KCNIP4: variants seen among roughly 807,000 people sequenced by gnomAD.
KCNIP4 encodes the protein Kv channel-interacting protein 4.
In KCNIP4, 12 loss-of-function variants were observed where a neutral mutation model predicts 34.0. That is an observed-to-expected ratio of 0.35 (90% CI 0.23 to 0.57). The LOEUF (loss-of-function observed/expected upper bound fraction) is 0.57. Among genes scored for constraint, KCNIP4 ranks in the 20% least tolerant of loss-of-function variants. KCNIP4 has a pLI of 0.83. For synonymous variants in KCNIP4, 124 were observed against 102.2 expected (o/e 1.21, Z -1.29); for missense variants, 238 against 311.7 (o/e 0.76, Z 1.78).
chr4:20,927,026 G>A (rs1225827580), intron 1 of KCNIP4, among the ~76,000 whole-genome samples: 1 of 152,030 alleles, frequency 6.6e-6, no homozygotes, highest in Non-Finnish European at 1.5e-5. Flanking sequence ...TATCGCCCAG[G>A]CTGGAGTGCA....
At chr4:21,501,132 A>G (rs1254687436) in intron 1 of KCNIP4, among the ~76,000 whole-genome samples, 1 of 152,044 alleles carries the variant, frequency 6.6e-6, no homozygotes, top group Non-Finnish European at 1.5e-5. Flanking sequence ...TGCCTCCCCA[A>G]GATGTTAGAG....
chr4:20,932,701 T>C (rs1378742762), intron 1 of KCNIP4, among the ~76,000 whole-genome samples: 1 of 152,164 alleles, frequency 6.6e-6, no homozygotes, highest in Admixed American at 6.6e-5. Context: ...TTTTAAAAAG[T>C]GTACTTGTCA....
intron 1 of KCNIP4, among the ~76,000 whole-genome samples, chr4:21,019,830 G>A (rs2149745980): frequency 6.6e-6 from 1 of 152,168 alleles, no homozygotes; most frequent in South Asian, 2.1e-4. Flanking sequence ...GCTATATAAA[G>A]TAGCATTATA....
chr4:21,592,098 A>C (rs1182458207), intron 1 of KCNIP4, among the ~76,000 whole-genome samples: 2 of 152,118 alleles, frequency 1.3e-5, no homozygotes, highest in Non-Finnish European at 2.9e-5. Context: ...GGATGACAAA[A>C]TCAGGGATCT....
chr4:20,835,170 T>C (rs1271267216), intron 3 of KCNIP4, among the ~76,000 whole-genome samples: 1 of 152,224 alleles, frequency 6.6e-6, no homozygotes, highest in Non-Finnish European at 1.5e-5. Context: ...CTATTGTCTT[T>C]GGGTTTATGT....
At chr4:21,532,081 T>C (rs914846536) in intron 1 of KCNIP4, among the ~76,000 whole-genome samples, 5 of 152,140 alleles carry the variant, frequency 3.3e-5, no homozygotes, top group African/African-American at 4.8e-5. Flanking sequence ...TTCTGATGTG[T>C]CAGTATACTT....
chr4:21,178,496 TATA>T lies in KCNIP4; in HGVS notation c.62-295790_62-295788del. Among the ~76,000 whole-genome samples, 353 of 150,718 alleles carry T rather than the reference TATA, an allele frequency of 2.3e-3. 3 individuals carry two copies. Among genetic ancestry groups the T allele is most frequent in the African/African-American group, 8.3e-3 (333 of 40,096 alleles). On this transcript the variant is annotated intron_variant, in intron 1 of 8. Transcript: ENST00000382152. ...TCACAGACCTCAGTTTATTTCCAGGTATAGTAACCATGTGTCCAGGATAGTTAT... is the reference window on the plus strand; with the variant it reads ...TCACAGACCTCAGTTTATTTCCAGGTGTAACCATGTGTCCAGGATAGTTAT...
intron 1 of KCNIP4, among the ~76,000 whole-genome samples, chr4:21,789,414 C>A (rs542281316): frequency 6.6e-6 from 1 of 152,124 alleles, no homozygotes; most frequent in Non-Finnish European, 1.5e-5. Flanking sequence ...CTTTAGTCTG[C>A]AAAACCACCA....
intron 1 of KCNIP4, chr4:21,843,245 C>A (rs551914812): frequency 6.6e-6 from 1 of 151,990 alleles, no homozygotes; most frequent in Non-Finnish European, 1.5e-5. Context: ...TTCTCGAACA[C>A]CTTTTATATT....
chr4:20,920,186 A>G (rs1374111119), intron 1 of KCNIP4, among the ~76,000 whole-genome samples: 3 of 152,190 alleles, frequency 2.0e-5, no homozygotes, highest in Admixed American at 2.0e-4. Context: ...AAATCTATTT[A>G]AATTTTCTAT....
chr4:21,807,724 C>T (rs1721388943), intron 1 of KCNIP4, among the ~76,000 whole-genome samples: 1 of 152,116 alleles, frequency 6.6e-6, no homozygotes. Flanking sequence ...ACTCAGCAGT[C>T]CACTTAATGG....
At chr4:21,087,379 T>A (rs10028561) in intron 1 of KCNIP4, among the ~76,000 whole-genome samples, 51,886 of 151,862 alleles carry the variant, frequency 0.34, 10,524 homozygotes, top group African/African-American at 0.58. Flanking sequence ...GGTTTCACCG[T>A]GTTAGCCAGG....
intron 1 of KCNIP4, among the ~76,000 whole-genome samples, chr4:21,941,534 T>C (rs1163854147): frequency 6.6e-6 from 1 of 152,060 alleles, no homozygotes; most frequent in African/African-American, 2.4e-5. Flanking sequence ...TAAAGACTTT[T>C]CATGAGCAGA....
At chr4:21,629,492 C>T (rs1745562886) in intron 1 of KCNIP4, among the ~76,000 whole-genome samples, 1 of 152,082 alleles carries the variant, frequency 6.6e-6, no homozygotes, top group Non-Finnish European at 1.5e-5. Context: ...CTGTTAGAGT[C>T]CAATTCACTG....
chr4:21,062,546 G>A (rs1441375279), intron 1 of KCNIP4, among the ~76,000 whole-genome samples: 1 of 151,952 alleles, frequency 6.6e-6, no homozygotes, highest in South Asian at 2.1e-4. Flanking sequence ...GTGTGTGTGT[G>A]TGTGTGTGTC....
intron 1 of KCNIP4, among the ~76,000 whole-genome samples, chr4:21,106,661 G>C (rs1156905576): frequency 6.6e-6 from 1 of 151,364 alleles, no homozygotes; most frequent in Non-Finnish European, 1.5e-5. Flanking sequence ...GTTTGCTCTT[G>C]CTTTTCTAGT....
At chr4:21,893,536 A>G (rs548030511) in intron 1 of KCNIP4, among the ~76,000 whole-genome samples, 18 of 152,268 alleles carry the variant, frequency 1.2e-4, no homozygotes, top group African/African-American at 3.4e-4. Flanking sequence ...ATGATATTCA[A>G]ATTGCATCAT....
At chr4:21,468,500 G>C (rs921470894) in intron 1 of KCNIP4, among the ~76,000 whole-genome samples, 1 of 152,150 alleles carries the variant, frequency 6.6e-6, no homozygotes, top group Non-Finnish European at 1.5e-5. Flanking sequence ...ACCCAAGTTC[G>C]CTTGAATGGT....
chr4:21,239,119 T>C (rs1759599603), intron 1 of KCNIP4, among the ~76,000 whole-genome samples: 1 of 151,910 alleles, frequency 6.6e-6, no homozygotes, highest in South Asian at 2.1e-4. Context: ...AAACAAGCAA[T>C]GGGGAAAGGA....
Sources: allele counts gnomAD v4.1 joint callset (sites outside exome capture counted in the v4.1 genomes callset), GRCh38; gene constraint gnomAD v4.1.1; transcripts MANE v1.5; gene names NCBI Gene and HGNC (gene_info 2026-07-23, HGNC 2026-07-21).